The following SOX5 variants were observed in gnomAD, a reference collection of about 807,000 sequenced individuals.
SOX5 encodes the protein SRY-box transcription factor 5.
A neutral mutation model predicts 92.0 loss-of-function variants in SOX5; 9 were observed. The observed-to-expected ratio is 0.10, with a 90% CI of 0.06 to 0.17. SOX5 has a LOEUF of 0.17. Ranked by LOEUF, SOX5 falls within the 10% of genes least tolerant of loss-of-function variation. The pLI, the probability that SOX5 is intolerant of heterozygous loss-of-function variation, is 1.00. For synonymous variants in SOX5, 344 were observed against 336.3 expected, an observed-to-expected ratio of 1.02 and a Z score of -0.25; for missense variants, 642 against 944.5, an observed-to-expected ratio of 0.68 and a Z score of 4.20.
chr12:23,685,077 C>A (rs955420784), intron 6 of SOX5, among the ~76,000 whole-genome samples: 1 of 152,092 alleles, frequency 6.6e-6, no homozygotes, highest in African/African-American at 2.4e-5. Context: ...CATCATGTCA[C>A]ACTTCATAGG....
intron 1 of SOX5, among the ~76,000 whole-genome samples, chr12:24,456,773 C>T (rs1264752219): frequency 3.3e-5 from 5 of 152,166 alleles, no homozygotes; most frequent in Non-Finnish European, 7.3e-5. Flanking sequence ...CTTCCTGAGT[C>T]TCACTAATTA....
At chr12:24,313,935 C>A (rs1425041495) in intron 2 of SOX5, among the ~76,000 whole-genome samples, 1 of 151,074 alleles carries the variant, frequency 6.6e-6, no homozygotes, top group Non-Finnish European at 1.5e-5. Context: ...TTTTCAGTTA[C>A]TCAGGCCAAA....
chr12:24,095,280 A>C (rs1438351440), intron 4 of SOX5, among the ~76,000 whole-genome samples: 11 of 152,076 alleles, frequency 7.2e-5, no homozygotes, highest in Non-Finnish European at 1.6e-4. Flanking sequence ...CAGGTTTTAT[A>C]ATTAAACAAA....
intron 1 of SOX5, among the ~76,000 whole-genome samples, chr12:24,474,827 C>G (rs1227676469): frequency 2.0e-5 from 3 of 151,656 alleles, no homozygotes; most frequent in African/African-American, 7.3e-5. Flanking sequence ...TGAGCCACCA[C>G]ACATGGCCTA....
At chr12:23,653,152 A>G (rs1251515734) in intron 7 of SOX5, among the ~76,000 whole-genome samples, 1 of 152,016 alleles carries the variant, frequency 6.6e-6, no homozygotes, top group Non-Finnish European at 1.5e-5. Flanking sequence ...GCATATGTCT[A>G]AACATATTTC....
At chr12:24,070,178 A>T (rs1224799029) in intron 4 of SOX5, among the ~76,000 whole-genome samples, 1 of 152,114 alleles carries the variant, frequency 6.6e-6, no homozygotes, top group Non-Finnish European at 1.5e-5. Context: ...GCCTTTCTTT[A>T]TTTTCACACA....
chr12:23,842,498 C>T (rs1047334675), intron 3 of SOX5, among the ~76,000 whole-genome samples: 3 of 152,244 alleles, frequency 2.0e-5, no homozygotes, highest in South Asian at 2.1e-4. Context: ...AGGAACGATA[C>T]GTCAGAAGCA....
chr12:23,869,399 T>A (rs1007178285), intron 2 of SOX5, among the ~76,000 whole-genome samples: 16 of 152,108 alleles, frequency 1.1e-4, no homozygotes, highest in African/African-American at 3.9e-4. Context: ...TCTCTCCACC[T>A]CCACACACAT....
rs1286265090 is a variant in SOX5 at position 23,797,963 on chromosome 12, A to C, written c.482-42239T>G. ...GTTTGGTTTTGTTTTTTGTTCTCTT[A>C]ACTGGAATGATCGTCCCCCAAATAT... On this transcript the variant is annotated intron_variant, in intron 3 of 14. Coordinates refer to ENST00000451604, the MANE Select transcript of SOX5 (RefSeq NM_006940.6). Among the ~76,000 whole-genome samples the C allele has an allele frequency of 3.3e-5, 5 of 151,710 alleles. No individual in the cohort carries two copies. In the East Asian group the frequency reaches 5.8e-4, roughly 18 times the overall value.
At chr12:23,749,054 C>A (rs567208232) in intron 4 of SOX5, among the ~76,000 whole-genome samples, 73 of 151,968 alleles carry the variant, frequency 4.8e-4, no homozygotes, top group African/African-American at 1.7e-3. Flanking sequence ...CAGCAGCACT[C>A]TTATCCAACA....
chr12:23,928,057 AGTGAAAATCTAC>A (rs1170099757), intron 1 of SOX5, among the ~76,000 whole-genome samples: 1 of 152,090 alleles, frequency 6.6e-6, no homozygotes, highest in East Asian at 1.9e-4. Context: ...GGAGCTCCCC[AGTGAAAATCTAC>A]TGGGCACATG....
At chr12:23,810,896 A>T (rs1330652776) in intron 3 of SOX5, among the ~76,000 whole-genome samples, 2 of 152,182 alleles carry the variant, frequency 1.3e-5, no homozygotes, top group Non-Finnish European at 2.9e-5. Context: ...TCACAGCCAC[A>T]GAAGAGCTGC....
intron 2 of SOX5, among the ~76,000 whole-genome samples, chr12:23,882,586 G>C (rs375573030): frequency 1.3e-5 from 2 of 152,120 alleles, no homozygotes; most frequent in African/African-American, 4.8e-5. Context: ...AGCTACAGAA[G>C]AATGATTCGA....
At chr12:24,281,139 CAGAT>C (rs1027079935) in intron 2 of SOX5, among the ~76,000 whole-genome samples, 16 of 146,522 alleles carry the variant, frequency 1.1e-4, no homozygotes, top group African/African-American at 3.5e-4. Context: ...AACTTTAAAA[CAGAT>C]AGTTTTTGAG....
chr12:23,970,841 A>ATATTTT, intron 4 of SOX5, among the ~76,000 whole-genome samples: 4 of 21,858 alleles, frequency 1.8e-4, no homozygotes, highest in Admixed American at 7.7e-4. Context: ...TATATATATA[A>ATATTTT]TTTTTTTTTT....
chr12:24,155,268 G>A (rs576197173), intron 4 of SOX5, among the ~76,000 whole-genome samples: 16 of 152,160 alleles, frequency 1.1e-4, no homozygotes, highest in Admixed American at 3.3e-4. Context: ...GCTGGTAGTA[G>A]GGGGAATAGA....
chr12:24,455,496 A>G (rs189251649), intron 1 of SOX5, among the ~76,000 whole-genome samples: 25 of 152,368 alleles, frequency 1.6e-4, no homozygotes, highest in Admixed American at 1.4e-3. Flanking sequence ...AACAGCATAA[A>G]AAGTCTGTCC....
At chr12:23,606,410 T>C (rs75569284) in intron 8 of SOX5, among the ~76,000 whole-genome samples, 3,025 of 151,802 alleles carry the variant, frequency 0.02, 183 homozygotes, top group Admixed American at 0.13. Context: ...CTATTACTGA[T>C]TCGTTATACA....
intron 4 of SOX5, among the ~76,000 whole-genome samples, chr12:24,010,814 C>G (rs1253568619): frequency 1.3e-5 from 2 of 151,932 alleles, no homozygotes; most frequent in Non-Finnish European, 2.9e-5. Flanking sequence ...TGGCACATGC[C>G]TGTAGTCCCA....
Sources: allele counts gnomAD v4.1 joint callset (sites outside exome capture counted in the v4.1 genomes callset), GRCh38; gene constraint gnomAD v4.1.1; transcripts MANE v1.5; gene names NCBI Gene and HGNC (gene_info 2026-07-23, HGNC 2026-07-21).